HS6ST3: variants seen among roughly 807,000 people sequenced by gnomAD.
The protein encoded by HS6ST3 is heparan sulfate 6-O-sulfotransferase 3, also known as heparan-sulfate 6-O-sulfotransferase 3.
In HS6ST3, 12 loss-of-function variants were observed where a neutral mutation model predicts 36.7. The observed-to-expected ratio is 0.33, with a 90% CI of 0.21 to 0.53. The LOEUF (loss-of-function observed/expected upper bound fraction) is 0.53. HS6ST3 is among the 20% of genes least tolerant of loss of function. HS6ST3 has a pLI of 0.95. For synonymous variants in HS6ST3, 240 were observed against 257.5 expected, an observed-to-expected ratio of 0.93 and a Z score of 0.65; for missense variants, 584 against 640.9, an observed-to-expected ratio of 0.91 and a Z score of 0.96.
chr13:96,810,839 C>A (rs1281490572), intron 1 of HS6ST3, among the ~76,000 whole-genome samples: 1 of 152,158 alleles, frequency 6.6e-6, no homozygotes, highest in Non-Finnish European at 1.5e-5. Context: ...ATGAACAAAA[C>A]AAATGAAGCC....
Position 96,838,287 on chromosome 13 carries a change from T to C in HS6ST3, c.*5089T>C, listed in dbSNP as rs184175815. ...GGAAACATATGGACTATAATTATTT[T>C]AGCTATTTAAAAGAAATGAATGAAG... On this transcript the variant is annotated 3_prime_UTR_variant, in exon 2 of 2. Transcript: ENST00000376705. 2.6e-5 allele frequency: 4 copies of C among 152,208 alleles called. No individual in the cohort carries two copies. The highest frequency in any genetic ancestry group is 1.3e-4 in the Admixed American group (2 of 15,308). 9.4% of individuals were successfully genotyped at this position (152,208 alleles called of 1,614,324 possible). A position where few individuals can be genotyped will look rare whatever the true frequency, so the allele number is the denominator to read the frequency against.
intron 1 of HS6ST3, among the ~76,000 whole-genome samples, chr13:96,616,821 T>C (rs1472993241): frequency 6.6e-6 from 1 of 152,228 alleles, no homozygotes; most frequent in Non-Finnish European, 1.5e-5. Context: ...TCTTATTAAT[T>C]TGTGTTTCCT....
At chr13:96,285,918 T>TC (rs2054799738) in intron 1 of HS6ST3, among the ~76,000 whole-genome samples, 2 of 144,928 alleles carry the variant, frequency 1.4e-5, no homozygotes. Context: ...TCTCCCCCAC[T>TC]TTCCCTCCTT....
intron 1 of HS6ST3, among the ~76,000 whole-genome samples, chr13:96,495,389 A>C (rs2055969862): frequency 6.6e-6 from 1 of 152,164 alleles, no homozygotes; most frequent in Non-Finnish European, 1.5e-5. Flanking sequence ...TTTAAAATAG[A>C]CTTCATTAAG....
chr13:96,103,639 A>C (rs1039442457), intron 1 of HS6ST3, among the ~76,000 whole-genome samples: 10 of 152,188 alleles, frequency 6.6e-5, no homozygotes, highest in African/African-American at 2.4e-4. Flanking sequence ...GTGCTATACA[A>C]ATTTAAATTT....
intron 1 of HS6ST3, among the ~76,000 whole-genome samples, chr13:96,208,193 C>T (rs113600757): frequency 2.8e-4 from 42 of 152,266 alleles, no homozygotes; most frequent in African/African-American, 9.6e-4. Context: ...TTCCCTCCAA[C>T]ACTCAGTCAT....
intron 1 of HS6ST3, among the ~76,000 whole-genome samples, chr13:96,168,712 T>C (rs2054172669): frequency 6.7e-6 from 1 of 150,262 alleles, no homozygotes. Context: ...AAAAAATTAC[T>C]ATTTTAGAAT....
At chr13:96,251,917 A>T (rs2054609820) in intron 1 of HS6ST3, among the ~76,000 whole-genome samples, 1 of 152,154 alleles carries the variant, frequency 6.6e-6, no homozygotes, top group African/African-American at 2.4e-5. Context: ...CAAGTAAAAG[A>T]TACTTGTTAT....
chr13:96,699,675 G>A (rs551522), intron 1 of HS6ST3, among the ~76,000 whole-genome samples: 2,269 of 152,304 alleles, frequency 0.015, 52 homozygotes, highest in African/African-American at 0.051. Context: ...CATTGTGGAA[G>A]TCAGTGTGGC....
intron 1 of HS6ST3, among the ~76,000 whole-genome samples, chr13:96,298,282 A>G (rs1379344202): frequency 6.6e-6 from 1 of 152,190 alleles, no homozygotes; most frequent in Non-Finnish European, 1.5e-5. Flanking sequence ...AAGTAAACAG[A>G]GATGCGTATG....
At chr13:96,411,575 C>T (rs1317318039) in intron 1 of HS6ST3, among the ~76,000 whole-genome samples, 2 of 152,086 alleles carry the variant, frequency 1.3e-5, no homozygotes, top group African/African-American at 4.8e-5. Flanking sequence ...AAGACTTCAT[C>T]TTGCAAGACA....
Position 96,598,970 on chromosome 13 carries a change from A to G in HS6ST3, c.708-233520A>G, listed in dbSNP as rs573924683. The stretch of plus-strand genomic sequence containing the variant: ...TAATCCTGTTTATGTGTTCAGATTT[A>G]TTGACTTGTGTATGTTGAACCATCC... On this transcript the variant is annotated intron_variant, in intron 1 of 1. Transcript: ENST00000376705. Among the ~76,000 whole-genome samples the G allele has an allele frequency of 1.2e-4, 18 of 152,118 alleles. No homozygotes were observed. In the South Asian group the frequency reaches 3.7e-3, roughly 32 times the overall value.
chr13:96,161,656 A>G (rs2054136290), intron 1 of HS6ST3, among the ~76,000 whole-genome samples: 1 of 152,234 alleles, frequency 6.6e-6, no homozygotes, highest in African/African-American at 2.4e-5. Context: ...AAGAAAGCCT[A>G]TTCTGAAATC....
intron 1 of HS6ST3, among the ~76,000 whole-genome samples, chr13:96,244,419 A>T (rs1257145437): frequency 6.6e-6 from 1 of 152,196 alleles, no homozygotes; most frequent in East Asian, 1.9e-4. Context: ...TTTGCATGAA[A>T]AGAGAGCTTA....
At chr13:96,440,229 T>A (rs1035674715) in intron 1 of HS6ST3, among the ~76,000 whole-genome samples, 1 of 152,056 alleles carries the variant, frequency 6.6e-6, no homozygotes, top group Admixed American at 6.6e-5. Context: ...GACAGATCAC[T>A]TGAGGTCAGG....
chr13:96,650,446 G>T (rs1236508650), intron 1 of HS6ST3, among the ~76,000 whole-genome samples: 2 of 151,726 alleles, frequency 1.3e-5, no homozygotes, highest in African/African-American at 4.8e-5. Flanking sequence ...TTCTTTCTTG[G>T]TGGGTCACTT....
At chr13:96,523,655 A>C (rs2056102595) in intron 1 of HS6ST3, among the ~76,000 whole-genome samples, 1 of 152,046 alleles carries the variant, frequency 6.6e-6, no homozygotes, top group South Asian at 2.1e-4. Flanking sequence ...CACTTGATTG[A>C]ATTGGCTATT....
intron 1 of HS6ST3, among the ~76,000 whole-genome samples, chr13:96,614,544 A>G (rs2056467582): frequency 6.6e-6 from 1 of 152,124 alleles, no homozygotes; most frequent in Non-Finnish European, 1.5e-5. Context: ...AAAAGCATAA[A>G]TAATAGAAGC....
intron 1 of HS6ST3, among the ~76,000 whole-genome samples, chr13:96,265,583 A>G (rs542945157): frequency 8.5e-5 from 13 of 152,184 alleles, no homozygotes; most frequent in Non-Finnish European, 1.8e-4. Context: ...TTTAAGAACT[A>G]TAGGCACATA....
Sources: gnomAD v4.1 joint callset for allele counts (sites outside exome capture counted in the v4.1 genomes callset) on GRCh38, gnomAD v4.1.1 for gene constraint, MANE v1.5 for transcripts, NCBI Gene and HGNC (gene_info 2026-07-23, HGNC 2026-07-21) for gene names.